The following NPSR1 variants were observed in gnomAD, a reference collection of about 807,000 sequenced individuals.
The protein encoded by NPSR1 is neuropeptide S receptor.
A neutral mutation model predicts 46.9 loss-of-function variants in NPSR1; 48 were observed. The ratio of observed to expected loss-of-function variants is 1.02; its 90% CI spans 0.81 to 1.30. NPSR1 has a LOEUF of 1.30. Among genes scored for constraint, NPSR1 ranks in the 50% most tolerant of loss-of-function variants. The pLI is 0.00. For missense variants in NPSR1, 450 were observed against 449.5 expected, an observed-to-expected ratio of 1.00 and a Z score of -0.01; for synonymous variants, 176 against 168.1, an observed-to-expected ratio of 1.05 and a Z score of -0.36.
intron 2 of NPSR1, among the ~76,000 whole-genome samples, chr7:34,763,553 T>C (rs1259900452): frequency 6.6e-6 from 1 of 152,074 alleles, no homozygotes; most frequent in Non-Finnish European, 1.5e-5. Context: ...ATAGGTACTA[T>C]AATAGTAGGG....
At chr7:34,817,911 C>T (rs1789327776) in intron 4 of NPSR1, among the ~76,000 whole-genome samples, 1 of 152,142 alleles carries the variant, frequency 6.6e-6, no homozygotes, top group Admixed American at 6.5e-5. Context: ...ATTGATTGAA[C>T]ATATCTCAAA....
At chr7:34,708,063 T>C (rs917443696) in intron 2 of NPSR1, among the ~76,000 whole-genome samples, 1 of 152,148 alleles carries the variant, frequency 6.6e-6, no homozygotes, top group Non-Finnish European at 1.5e-5. Flanking sequence ...AATTACCTCA[T>C]CTTTTTTTCT....
intron 1 of NPSR1, among the ~76,000 whole-genome samples, chr7:34,665,613 A>G (rs910337257): frequency 1.3e-5 from 2 of 152,080 alleles, no homozygotes; most frequent in Admixed American, 1.3e-4. Flanking sequence ...CCTTTTCTGG[A>G]TATGCCTTTC....
chr7:34,728,391 G>A (rs914565038), intron 2 of NPSR1, among the ~76,000 whole-genome samples: 1 of 152,220 alleles, frequency 6.6e-6, no homozygotes, highest in African/African-American at 2.4e-5. Flanking sequence ...GGTACATGAT[G>A]TGGGGTGCAC....
intron 1 of NPSR1, among the ~76,000 whole-genome samples, chr7:34,674,021 G>A (rs890657299): frequency 6.6e-5 from 10 of 152,118 alleles, no homozygotes; most frequent in Non-Finnish European, 8.8e-5. Flanking sequence ...GGGGAGTGGA[G>A]GAGAGACAGA....
chr7:34,740,090 G>C (rs1784870310), intron 2 of NPSR1, among the ~76,000 whole-genome samples: 1 of 152,180 alleles, frequency 6.6e-6, no homozygotes, highest in African/African-American at 2.4e-5. Context: ...AGCTGCTGTG[G>C]GTAATTATGG....
chr7:34,827,704 A>G (rs1789929143), intron 5 of NPSR1, 102 bp downstream of exon 5: 1 of 820,172 alleles, frequency 1.2e-6, no homozygotes, highest in East Asian at 2.9e-5. Flanking sequence ...CATTTTTCCT[A>G]GTGCCCTTGA....
chr7:34,737,282 G>A (rs1049710474), intron 2 of NPSR1, among the ~76,000 whole-genome samples: 1 of 152,026 alleles, frequency 6.6e-6, no homozygotes, highest in Non-Finnish European at 1.5e-5. Context: ...CCCCAACCCC[G>A]ATTAAGTTTT....
intron 6 of NPSR1, among the ~76,000 whole-genome samples, chr7:34,842,477 T>C (rs1790602833): frequency 4.6e-5 from 7 of 152,180 alleles, no homozygotes; most frequent in Admixed American, 3.9e-4. Context: ...GCACACACAA[T>C]TGTGACAATT....
chr7:34,674,740 G>A (rs1273456450), intron 1 of NPSR1, among the ~76,000 whole-genome samples: 1 of 152,180 alleles, frequency 6.6e-6, no homozygotes, highest in African/African-American at 2.4e-5. Context: ...CAGGACAGCT[G>A]ATGTAGCTGC....
intron 4 of NPSR1, among the ~76,000 whole-genome samples, chr7:34,812,081 C>T (rs1268909233): frequency 1.3e-5 from 2 of 152,054 alleles, no homozygotes; most frequent in Admixed American, 1.3e-4. Context: ...GGAAAAATGC[C>T]GATGGTTCCC....
intron 2 of NPSR1, among the ~76,000 whole-genome samples, chr7:34,718,302 G>C (rs1039126765): frequency 1.3e-5 from 2 of 152,152 alleles, no homozygotes; most frequent in Non-Finnish European, 2.9e-5. Flanking sequence ...TTCGATGCTT[G>C]TTTCCATTCA....
At chr7:34,725,553 A>G (rs1339971353) in intron 2 of NPSR1, among the ~76,000 whole-genome samples, 1 of 152,156 alleles carries the variant, frequency 6.6e-6, no homozygotes, top group East Asian at 1.9e-4. Context: ...TGTGCTCCCA[A>G]ACACAGCCCT....
intron 3 of NPSR1, among the ~76,000 whole-genome samples, chr7:34,798,020 T>A (rs1016428007): frequency 6.6e-6 from 1 of 151,942 alleles, no homozygotes; most frequent in African/African-American, 2.4e-5. Context: ...TTACAAAAAA[T>A]GCTAAAAGAA....
chr7:34,834,441 A>T lies in NPSR1; in HGVS notation c.738A>T (p.Thr246=). The T allele has an allele frequency of 1.2e-6, 2 of 1,612,418 alleles. No homozygotes were observed. The part of the protein sequence containing the change: ...TIWIKSKTYE[T]VISNCSDGKL... ...GGATTAAAAGCAAAACCTACGAAAC[A>T]GTGATTTCCAACTGCTCAGGTAAGT... The change falls in exon 6 of 9, where the codon ACA becomes ACT. Residue 246 remains threonine, a synonymous_variant. Transcript: ENST00000360581.
At chr7:34,697,829 G>A (rs1001264288) in intron 2 of NPSR1, among the ~76,000 whole-genome samples, 1 of 151,858 alleles carries the variant, frequency 6.6e-6, no homozygotes, top group Non-Finnish European at 1.5e-5. Context: ...AGAATTATTA[G>A]AACAAGTAAG....
chr7:34,850,670 G>A (rs1790910599), downstream of NPSR1, among the ~76,000 whole-genome samples: 4 of 152,284 alleles, frequency 2.6e-5, no homozygotes, highest in South Asian at 8.3e-4. Context: ...AAAGTGCTGG[G>A]ATTACAGGCA....
intron 2 of NPSR1, among the ~76,000 whole-genome samples, chr7:34,714,689 C>G (rs1783479244): frequency 6.6e-6 from 1 of 152,172 alleles, no homozygotes; most frequent in African/African-American, 2.4e-5. Flanking sequence ...TGGGGGTCTA[C>G]AGGTTACTCA....
intron 2 of NPSR1, among the ~76,000 whole-genome samples, chr7:34,777,794 A>G (rs1241679339): frequency 6.6e-6 from 1 of 152,174 alleles, no homozygotes; most frequent in East Asian, 1.9e-4. Context: ...TGCTATAAAC[A>G]TCTGCACAGC....
Sources: gnomAD v4.1 joint callset for allele counts (sites outside exome capture counted in the v4.1 genomes callset) on GRCh38, gnomAD v4.1.1 for gene constraint, MANE v1.5 for transcripts, NCBI Gene and HGNC (gene_info 2026-07-23, HGNC 2026-07-21) for gene names.